The following WDR75 variants were observed in gnomAD, a reference collection of about 807,000 sequenced individuals.
WDR75 encodes the protein WD repeat-containing protein 75.
A neutral mutation model predicts 106.1 loss-of-function variants in WDR75; 52 were observed. The observed-to-expected ratio is 0.49, with a 90% CI of 0.39 to 0.62. The LOEUF is 0.62. WDR75 is among the 20% of genes least tolerant of loss of function. The pLI is 0.00. For synonymous variants in WDR75, 333 were observed against 335.5 expected (o/e 0.99, Z 0.08); for missense variants, 905 against 970.3 (o/e 0.93, Z 0.89).
chr2:189,452,357 A>C (rs1686641208), intron 4 of WDR75, among the ~76,000 whole-genome samples: 1 of 152,128 alleles, frequency 6.6e-6, no homozygotes, highest in Admixed American at 6.5e-5. Context: ...CAGGAGATCT[A>C]GACCATCCTG....
chr2:189,469,416 C>G lies in WDR75; in HGVS notation c.1796C>G (p.Ser599Cys). The G allele has an allele frequency of 6.2e-7, 1 of 1,613,412 alleles. No homozygotes were observed. The highest frequency in any genetic ancestry group is 8.5e-7 in the Non-Finnish European group (1 of 1,179,500). ...AATTCAGAGAATATTGCTGCAATCT[C>G]TCAGTCTTCAGTGGGTTCAGACTGT... Reference protein sequence around the residue: ...DPNSENIAAISQSSVGSDLFV... With the variant: ...DPNSENIAAICQSSVGSDLFV... Residue 599 changes from serine (S) to cysteine (C), a missense_variant, in exon 16 of 21, where the codon TCT becomes TGT. Ser to Cys is a moderately radical substitution (Grantham distance 112). Coordinates refer to ENST00000314761, the MANE Select transcript of WDR75 (RefSeq NM_032168.3).
chr2:189,472,957 G>T (rs747197295), intron 18 of WDR75, among the ~76,000 whole-genome samples: 9 of 152,078 alleles, frequency 5.9e-5, no homozygotes, highest in African/African-American at 1.4e-4. Context: ...GGTGGTTCTT[G>T]CCTGTAATCC....
intron 4 of WDR75, among the ~76,000 whole-genome samples, chr2:189,452,311 G>T (rs1382175297): frequency 6.6e-6 from 1 of 152,142 alleles, no homozygotes; most frequent in African/African-American, 2.4e-5. Context: ...TGTAATCCCA[G>T]CACTATGGGA....
rs1296916789 is a variant in WDR75 at position 189,443,489 on chromosome 2, G to T, written c.86+1911G>T. Among the ~76,000 whole-genome samples the T allele has an allele frequency of 2.0e-5, 3 of 152,162 alleles. No individual in the cohort carries two copies. The South Asian group carries it at 6.2e-4, about 32-fold the overall frequency. On this transcript the variant is annotated intron_variant, in intron 1 of 20. Coordinates refer to ENST00000314761, the MANE Select transcript of WDR75 (RefSeq NM_032168.3). ...GAGAATGGTTTTTTAATTCTTTAAG[G>T]GGACGGCGGTAATCAGTTGTAATTT...
chr2:189,445,759 G>C (rs73978626), intron 1 of WDR75, among the ~76,000 whole-genome samples: 7,729 of 152,256 alleles, frequency 0.051, 245 homozygotes, highest in African/African-American at 0.082. Flanking sequence ...GCGTATGCAG[G>C]AACTCTGTAA....
At chr2:189,470,273 C>A in intron 17 of WDR75, 28 bp downstream of exon 17, 1 of 1,596,944 alleles carries the variant, frequency 6.3e-7, no homozygotes, top group Admixed American at 1.7e-5. Flanking sequence ...AAAAGGCGAT[C>A]ACTTTGTACA....
At chr2:189,459,809 CA>C in intron 8 of WDR75, among the ~76,000 whole-genome samples, 1 of 152,264 alleles carries the variant, frequency 6.6e-6, no homozygotes, top group African/African-American at 2.4e-5. Flanking sequence ...AAATGAGTGG[CA>C]TTATACTCAT....
intron 8 of WDR75, among the ~76,000 whole-genome samples, chr2:189,460,140 A>G (rs17198871): frequency 0.034 from 5,197 of 152,310 alleles, 119 homozygotes; most frequent in Middle Eastern, 0.065. Flanking sequence ...GGTGAGAGTT[A>G]TGTCAGTTTA....
chr2:189,443,430 G>C lies in WDR75; in HGVS notation c.86+1852G>C, dbSNP rs532091102. Reference sequence around the variant, plus strand: ...TGGGAAATGAGGTTGGAAAGGACACGTGCAGCCAGTTGTTGGTTGTTGTTT... The same window carrying C: ...TGGGAAATGAGGTTGGAAAGGACACCTGCAGCCAGTTGTTGGTTGTTGTTT... On this transcript the variant is annotated intron_variant, in intron 1 of 20. Coordinates refer to ENST00000314761, the MANE Select transcript of WDR75 (RefSeq NM_032168.3). Among the ~76,000 whole-genome samples the C allele has an allele frequency of 1.1e-3, 160 of 152,312 alleles. 1 individual carries two copies. The highest frequency in any genetic ancestry group is 6.8e-3 in the Middle Eastern group (2 of 294).
intron 5 of WDR75, among the ~76,000 whole-genome samples, chr2:189,457,045 C>A (rs1179235313): frequency 6.6e-6 from 1 of 151,928 alleles, no homozygotes; most frequent in Non-Finnish European, 1.5e-5. Flanking sequence ...AGTACGAGAC[C>A]AGCCTGGCCA....
intron 8 of WDR75, 142 bp from the exon 9 acceptor site, chr2:189,462,342 A>T: frequency 1.1e-6 from 1 of 933,488 alleles, no homozygotes. Flanking sequence ...AGAGTATATT[A>T]AAAGATACGA....
intron 19 of WDR75, 139 bp from the exon 20 acceptor site, chr2:189,474,578 G>T: frequency 1.1e-6 from 1 of 879,962 alleles, no homozygotes; most frequent in Non-Finnish European, 1.7e-6. Flanking sequence ...TCTTTGGTTT[G>T]GCTTTTGTAT....
intron 8 of WDR75, among the ~76,000 whole-genome samples, chr2:189,461,459 G>A (rs960468531): frequency 6.6e-6 from 1 of 151,660 alleles, no homozygotes; most frequent in Non-Finnish European, 1.5e-5. Flanking sequence ...CACTTTTTAG[G>A]TCTTTATATC....
intron 5 of WDR75, 105 bp from the exon 6 acceptor site, chr2:189,457,206 A>T (rs1686756441): frequency 2.7e-6 from 2 of 749,002 alleles, no homozygotes; most frequent in Non-Finnish European, 4.4e-6. Flanking sequence ...GCACCATCAC[A>T]TTCCAGCCTG....
At chr2:189,458,608 T>A (rs1355587853) in intron 6 of WDR75, 145 bp from the exon 7 acceptor site, 8 of 605,280 alleles carry the variant, frequency 1.3e-5, no homozygotes, top group African/African-American at 5.7e-5. Flanking sequence ...ATTTTCTTTT[T>A]AAAAAAAATC....
intron 14 of WDR75, among the ~76,000 whole-genome samples, chr2:189,468,082 G>C (rs1277891447): frequency 6.6e-6 from 1 of 152,134 alleles, no homozygotes; most frequent in Non-Finnish European, 1.5e-5. Context: ...TGCCTAATGA[G>C]ATCGTCTCTA....
intron 11 of WDR75, chr2:189,464,228 A>G (rs1686956452): frequency 5.1e-6 from 2 of 392,086 alleles, no homozygotes; most frequent in Non-Finnish European, 9.1e-6. Context: ...TATCCCATAC[A>G]TCTGTGCTTT....
chr2:189,463,662 A>C, intron 9 of WDR75, 32 bp from the exon 10 acceptor site: 4 of 1,611,400 alleles, frequency 2.5e-6, no homozygotes, highest in Non-Finnish European at 3.4e-6. Flanking sequence ...TAACCTATTG[A>C]TATTTAAATA....
intron 5 of WDR75, 105 bp from the exon 6 acceptor site, chr2:189,457,206 A>G: frequency 1.3e-6 from 1 of 749,120 alleles, no homozygotes; most frequent in East Asian, 2.9e-5. Flanking sequence ...GCACCATCAC[A>G]TTCCAGCCTG....
Sources: gnomAD v4.1 joint callset for allele counts (sites outside exome capture counted in the v4.1 genomes callset) on GRCh38, gnomAD v4.1.1 for gene constraint, MANE v1.5 for transcripts, NCBI Gene and HGNC (gene_info 2026-07-23, HGNC 2026-07-21) for gene names.